STX8: variants seen among roughly 807,000 people sequenced by gnomAD.
STX8 encodes the protein syntaxin-8.
Under a neutral mutation model 37.5 loss-of-function variants are expected in STX8, and 23 were observed. The observed-to-expected ratio is 0.61, with a 90% CI of 0.44 to 0.87. The LOEUF is 0.87. Ranked by LOEUF, STX8 falls within the 40% of genes least tolerant of loss-of-function variation. STX8 has a pLI of 0.00. For synonymous variants in STX8, 115 were observed against 99.1 expected, an observed-to-expected ratio of 1.16 and a Z score of -0.95; for missense variants, 313 against 284.7, an observed-to-expected ratio of 1.10 and a Z score of -0.71.
chr17:9,449,732 T>C (rs908333842), intron 6 of STX8, among the ~76,000 whole-genome samples: 2 of 152,032 alleles, frequency 1.3e-5, no homozygotes, highest in Admixed American at 1.3e-4. Context: ...CAATTCTATT[T>C]ATATTCCATT....
intron 6 of STX8, among the ~76,000 whole-genome samples, chr17:9,486,435 C>T (rs571794286): frequency 7.2e-5 from 11 of 152,194 alleles, no homozygotes; most frequent in Non-Finnish European, 1.3e-4. Context: ...TGATGTCATC[C>T]ATCAAATCGT....
chr17:9,332,713 G>C (rs75725824), intron 7 of STX8, among the ~76,000 whole-genome samples: 2 of 152,208 alleles, frequency 1.3e-5, no homozygotes, highest in South Asian at 4.2e-4. Flanking sequence ...GGGCCTTCTG[G>C]CTGTCTAGAC....
At chr17:9,504,799 C>T (rs914051550) in intron 5 of STX8, among the ~76,000 whole-genome samples, 3 of 151,538 alleles carry the variant, frequency 2.0e-5, no homozygotes. Context: ...AGGGTGAAAC[C>T]CTGTCTGTAC....
chr17:9,347,636 C>T (rs1381031780), intron 7 of STX8, among the ~76,000 whole-genome samples: 1 of 152,180 alleles, frequency 6.6e-6, no homozygotes, highest in South Asian at 2.1e-4. Context: ...CCTGCCTCAG[C>T]CTCCCAAGTA....
At chr17:9,400,412 T>TA (rs200305072) in intron 6 of STX8, among the ~76,000 whole-genome samples, 34,028 of 148,858 alleles carry the variant, frequency 0.23, 4,270 homozygotes, top group South Asian at 0.39. Flanking sequence ...TTTATTTATT[T>TA]TTTTTTTTTT....
chr17:9,328,814 C>CT (rs760509195), intron 7 of STX8, among the ~76,000 whole-genome samples: 22 of 152,058 alleles, frequency 1.4e-4, no homozygotes, highest in Non-Finnish European at 2.8e-4. Flanking sequence ...CTTTGGGAGG[C>CT]TGAGACGGGT....
chr17:9,529,144 G>T (rs1905700997), intron 4 of STX8, among the ~76,000 whole-genome samples: 1 of 149,428 alleles, frequency 6.7e-6, no homozygotes, highest in Non-Finnish European at 1.5e-5. Flanking sequence ...ACTTTATAGG[G>T]AGAAAAACCC....
chr17:9,552,516 C>G (rs1031942779), intron 3 of STX8, among the ~76,000 whole-genome samples: 1 of 152,206 alleles, frequency 6.6e-6, no homozygotes, highest in African/African-American at 2.4e-5. Context: ...AAAATCTGTT[C>G]AGTCAGCCTC....
At chr17:9,363,908 A>G (rs901122995) in intron 7 of STX8, among the ~76,000 whole-genome samples, 1 of 152,202 alleles carries the variant, frequency 6.6e-6, no homozygotes, top group African/African-American at 2.4e-5. Flanking sequence ...TATTATAAAT[A>G]AAGGTTTTCC....
At chr17:9,384,493 C>T (rs1004170390) in intron 6 of STX8, among the ~76,000 whole-genome samples, 1 of 151,984 alleles carries the variant, frequency 6.6e-6, no homozygotes. Flanking sequence ...AAAAAATTAG[C>T]CAGGCGTGAT....
chr17:9,333,286 T>C (rs1344487923), intron 7 of STX8, among the ~76,000 whole-genome samples: 1 of 152,212 alleles, frequency 6.6e-6, no homozygotes, highest in Non-Finnish European at 1.5e-5. Flanking sequence ...ATGTCTTTTG[T>C]TCCCATCTTT....
At chr17:9,333,456 C>T (rs576513278) in intron 7 of STX8, among the ~76,000 whole-genome samples, 14 of 152,236 alleles carry the variant, frequency 9.2e-5, no homozygotes, top group African/African-American at 1.9e-4. Flanking sequence ...GGCATGATCT[C>T]GGCTCACTGC....
chr17:9,303,362 TC>T (rs1382208792), intron 7 of STX8, among the ~76,000 whole-genome samples: 1 of 152,150 alleles, frequency 6.6e-6, no homozygotes, highest in East Asian at 1.9e-4. Flanking sequence ...CCAGAGCTGT[TC>T]CATGAAACAC....
intron 4 of STX8, among the ~76,000 whole-genome samples, chr17:9,515,590 A>G (rs1285951224): frequency 7.2e-5 from 11 of 151,996 alleles, no homozygotes; most frequent in South Asian, 6.2e-4. Context: ...TGGTACAATC[A>G]TCTCTCACCA....
chr17:9,562,278 C>T (rs1372520717), intron 2 of STX8, among the ~76,000 whole-genome samples: 4 of 151,846 alleles, frequency 2.6e-5, no homozygotes, highest in South Asian at 2.1e-4. Context: ...TGGTGGCGGG[C>T]GCCTGTAGCC....
In STX8 at chr17:9,323,611, G is replaced by A. The variant is rs184861044; in HGVS notation, c.643+54941C>T. 1.4e-3 allele frequency among the ~76,000 whole-genome samples: 220 copies of A among 152,258 alleles called. 2 individuals are homozygous for A. The highest frequency in any genetic ancestry group is 4.7e-3 in the African/African-American group (194 of 41,544). ...CGAATGCCTCTCTGTACAAGGCACC[G>A]TGGTAGACTCTCAGGGCACCAGAAA... On this transcript the variant is annotated intron_variant, in intron 7 of 7. Coordinates refer to ENST00000306357, the MANE Select transcript of STX8 (RefSeq NM_004853.3).
chr17:9,488,385 G>A (rs554660733), intron 6 of STX8, among the ~76,000 whole-genome samples: 11 of 152,100 alleles, frequency 7.2e-5, no homozygotes, highest in African/African-American at 2.4e-4. Context: ...TGTCCAGCTC[G>A]TAGTCCCTGG....
intron 7 of STX8, among the ~76,000 whole-genome samples, chr17:9,322,699 T>C (rs531100713): frequency 6.6e-6 from 1 of 151,932 alleles, no homozygotes; most frequent in East Asian, 1.9e-4. Context: ...AGTCTTATAT[T>C]GTGAGCAGTG....
At chr17:9,540,095 G>A (rs1219068048) in intron 4 of STX8, among the ~76,000 whole-genome samples, 3 of 152,062 alleles carry the variant, frequency 2.0e-5, no homozygotes, top group African/African-American at 7.2e-5. Flanking sequence ...AGTAAAGAAG[G>A]CAAAAATAAT....
Sources: gnomAD v4.1 joint callset for allele counts (sites outside exome capture counted in the v4.1 genomes callset) on GRCh38, gnomAD v4.1.1 for gene constraint, MANE v1.5 for transcripts, NCBI Gene and HGNC (gene_info 2026-07-23, HGNC 2026-07-21) for gene names.